CTDP1: variants seen among roughly 807,000 people sequenced by gnomAD.
CTDP1 encodes RNA polymerase II subunit A C-terminal domain phosphatase.
In CTDP1, 47 loss-of-function variants were observed where a neutral mutation model predicts 91.8. The ratio of observed to expected loss-of-function variants is 0.51; its 90% CI spans 0.41 to 0.65. The LOEUF (loss-of-function observed/expected upper bound fraction) is 0.65, where lower values mean the gene tolerates loss of function less well. Among genes scored for constraint, CTDP1 ranks in the 30% least tolerant of loss-of-function variants. The probability of loss-of-function intolerance (pLI) is 0.00; values close to 1 mark genes in which losing one functional copy is unlikely to be tolerated. For synonymous variants in CTDP1, 656 were observed against 598.5 expected (o/e 1.10, Z -1.40); for missense variants, 1,272 against 1,373.7 (o/e 0.93, Z 1.17).
At chr18:79,694,236 C>T (rs2085690736) in intron 1 of CTDP1, among the ~76,000 whole-genome samples, 1 of 142,644 alleles carries the variant, frequency 7.0e-6, no homozygotes, top group Admixed American at 7.0e-5. Flanking sequence ...CGGAGCAGCC[C>T]GGCTGGGATG....
chr18:79,709,499 T>A (rs1433679130), intron 5 of CTDP1, among the ~76,000 whole-genome samples: 2 of 152,258 alleles, frequency 1.3e-5, no homozygotes, highest in Non-Finnish European at 2.9e-5. Context: ...TTGGTTTTAC[T>A]ATCTTTAAGG....
intron 10 of CTDP1, among the ~76,000 whole-genome samples, chr18:79,725,255 C>T (rs1302643679): frequency 6.6e-6 from 1 of 152,198 alleles, no homozygotes; most frequent in Non-Finnish European, 1.5e-5. Context: ...TGTGTGCCGT[C>T]TGCCCCCAGG....
upstream of CTDP1, chr18:79,679,692 G>A (rs928853108): frequency 3.7e-6 from 2 of 533,496 alleles, no homozygotes; most frequent in South Asian, 1.6e-5. Flanking sequence ...CGGCCGGCAC[G>A]CAGGGTTGGT....
At chr18:79,740,159 C>G (rs1398879804) in intron 12 of CTDP1, among the ~76,000 whole-genome samples, 6 of 139,840 alleles carry the variant, frequency 4.3e-5, no homozygotes, top group Admixed American at 2.2e-4. Flanking sequence ...CTCTCATACC[C>G]ACGGCCGGGA....
rs1286993556 is a variant in CTDP1, at chr18:79,713,652, A to C, written c.1030+514A>C. 6.6e-6 allele frequency among the ~76,000 whole-genome samples: 1 copy of C among 152,226 alleles called. No homozygotes were observed. The highest frequency in any genetic ancestry group is 1.5e-5 in the Non-Finnish European group (1 of 68,042). On this transcript the variant is annotated intron_variant, in intron 7 of 12. Transcript: ENST00000613122. This position sits in a 1 kb window ranked among gnomAD's most constrained non-coding sequence, Gnocchi z 4.7. ...TTTTTGATCTTTAGTTTTTTGAAAAATATTTTGAGGCACACGTTTATTGCT... is the reference window on the plus strand; with the variant it reads ...TTTTTGATCTTTAGTTTTTTGAAAACTATTTTGAGGCACACGTTTATTGCT...
intron 12 of CTDP1, among the ~76,000 whole-genome samples, chr18:79,747,447 C>T (rs941991644): frequency 2.0e-5 from 3 of 152,234 alleles, no homozygotes; most frequent in Non-Finnish European, 2.9e-5. Context: ...TCCCTGGGCC[C>T]GGGCCCACTC....
intron 1 of CTDP1, among the ~76,000 whole-genome samples, chr18:79,692,919 G>A (rs959849143): frequency 6.6e-6 from 1 of 152,258 alleles, no homozygotes; most frequent in African/African-American, 2.4e-5. Flanking sequence ...TGGGGTTGCT[G>A]CCAGGACTGG....
intron 12 of CTDP1, among the ~76,000 whole-genome samples, chr18:79,739,259 C>T (rs2086726581): frequency 6.6e-6 from 1 of 152,220 alleles, no homozygotes; most frequent in African/African-American, 2.4e-5. Flanking sequence ...CAGGGTGTTG[C>T]TGGCGGCCAG....
At chr18:79,695,394 CAGTG>C in intron 2 of CTDP1, 86 bp downstream of exon 2, 1 of 1,233,354 alleles carries the variant, frequency 8.1e-7, no homozygotes, top group Admixed American at 1.7e-5. Context: ...GCTGGGAACA[CAGTG>C]AGGCCCTTGG....
In CTDP1 at chr18:79,736,352, CA is replaced by C; in HGVS notation, c.2581-2del. 1 of 1,549,110 alleles carries C rather than the reference CA, an allele frequency of 6.5e-7. No homozygotes were observed. The highest frequency in any genetic ancestry group is 8.7e-7 in the Non-Finnish European group (1 of 1,146,972). ...CTGTCGCTGACTCTTGGCTGTTTGTCAGGTGGACGACATCCTTGGAGAAGGC... is the reference window on the plus strand; with the variant it reads ...CTGTCGCTGACTCTTGGCTGTTTGTCGGTGGACGACATCCTTGGAGAAGGC... On this transcript the variant is annotated splice_acceptor_variant, in intron 11 of 12. Transcript: ENST00000613122. LOFTEE classifies it high-confidence loss of function.
At chr18:79,724,700 ACTT>A (rs1236708315) in intron 10 of CTDP1, among the ~76,000 whole-genome samples, 1 of 152,152 alleles carries the variant, frequency 6.6e-6, no homozygotes, top group African/African-American at 2.4e-5. Flanking sequence ...TCTATTTATC[ACTT>A]CTTTCTTTTA....
intron 7 of CTDP1, 127 bp from the exon 8 acceptor site, chr18:79,714,364 T>C: frequency 9.3e-7 from 1 of 1,079,408 alleles, no homozygotes; most frequent in South Asian, 1.3e-5. Context: ...CACAGCAAGG[T>C]TGCCAAGGCC....
intron 6 of CTDP1, among the ~76,000 whole-genome samples, chr18:79,712,184 T>C (rs1254535846): frequency 6.6e-6 from 1 of 152,216 alleles, no homozygotes; most frequent in African/African-American, 2.4e-5. Flanking sequence ...TAGGATCGAA[T>C]GGGGACATGC....
chr18:79,750,599 T>C (rs1412470631), intron 12 of CTDP1, among the ~76,000 whole-genome samples: 1 of 150,676 alleles, frequency 6.6e-6, no homozygotes, highest in Non-Finnish European at 1.5e-5. Context: ...GTTCAAACAA[T>C]TCTCGTGCCC....
intron 5 of CTDP1, among the ~76,000 whole-genome samples, chr18:79,709,940 G>A (rs1486488472): frequency 6.6e-6 from 1 of 152,202 alleles, no homozygotes; most frequent in African/African-American, 2.4e-5. Flanking sequence ...CCGAGGTGAC[G>A]CAGAGTAATT....
intron 10 of CTDP1, among the ~76,000 whole-genome samples, chr18:79,720,540 G>A (rs574818105): frequency 1.1e-4 from 16 of 151,528 alleles, no homozygotes; most frequent in African/African-American, 3.4e-4. Flanking sequence ...CGTCATTAGC[G>A]CATTCTGGTG....
In CTDP1 at chr18:79,688,890, T is replaced by G. The variant is rs182254354; in HGVS notation, c.315-6335T>G. 3.9e-3 allele frequency among the ~76,000 whole-genome samples: 595 copies of G among 152,334 alleles called. 7 individuals carry two copies. Among genetic ancestry groups the G allele is most frequent in the African/African-American group, 0.013 (554 of 41,558 alleles). On this transcript the variant is annotated intron_variant, in intron 1 of 12. Transcript: ENST00000613122. ...TTTGACCTTAAAGTTGCAAGAACAG[T>G]GCACAGAATTCTCACACCAGCTTCA...
At chr18:79,748,501 C>A (rs1721146456) in intron 12 of CTDP1, among the ~76,000 whole-genome samples, 1 of 152,230 alleles carries the variant, frequency 6.6e-6, no homozygotes, top group Admixed American at 6.5e-5. Flanking sequence ...TCTCCCGAGT[C>A]AGCTACGTTT....
At chr18:79,721,181 G>A (rs749366979) in intron 10 of CTDP1, among the ~76,000 whole-genome samples, 1 of 152,212 alleles carries the variant, frequency 6.6e-6, no homozygotes, top group African/African-American at 2.4e-5. Flanking sequence ...TCTCACCACT[G>A]CGGTGATCCC....
Sources: gnomAD v4.1 joint callset for allele counts (sites outside exome capture counted in the v4.1 genomes callset) on GRCh38, gnomAD v4.1.1 for gene constraint, Gnocchi (gnomAD v3.1) non-coding constraint, MANE v1.5 for transcripts, NCBI Gene and HGNC (gene_info 2026-07-23, HGNC 2026-07-21) for gene names.